The following PDE11A variants were observed in gnomAD, a reference collection of about 807,000 sequenced individuals.
The protein encoded by PDE11A is dual 3',5'-cyclic-AMP and -GMP phosphodiesterase 11A.
A neutral mutation model predicts 100.5 loss-of-function variants in PDE11A; 100 were observed. The observed-to-expected ratio is 1.00, with a 90% CI of 0.85 to 1.18. PDE11A has a LOEUF of 1.18. Ranked by LOEUF, PDE11A falls within the 50% of genes most tolerant of loss-of-function variation. The pLI, the probability that PDE11A is intolerant of heterozygous loss-of-function variation, is 0.00. For synonymous variants in PDE11A, 381 were observed against 420.8 expected (o/e 0.91, Z 1.16); for missense variants, 1,141 against 1,152.6 (o/e 0.99, Z 0.15).
chr2:177,764,288 A>G (rs1208493740), intron 10 of PDE11A, among the ~76,000 whole-genome samples: 1 of 152,080 alleles, frequency 6.6e-6, no homozygotes, highest in African/African-American at 2.4e-5. Context: ...CCAAACCCAA[A>G]CCCCAACCTG....
intron 5 of PDE11A, among the ~76,000 whole-genome samples, chr2:177,867,651 A>G (rs1197539397): frequency 2.6e-5 from 4 of 152,102 alleles, no homozygotes; most frequent in Non-Finnish European, 5.9e-5. Context: ...ACTTAAACTC[A>G]GGAGGCAGAG....
intron 4 of PDE11A, among the ~76,000 whole-genome samples, chr2:177,890,744 A>G (rs1264938321): frequency 6.6e-6 from 1 of 152,200 alleles, no homozygotes; most frequent in Non-Finnish European, 1.5e-5. Context: ...TCCTTCCATG[A>G]GATGATAAAC....
At chr2:177,937,287 T>C (rs2085286973) in intron 2 of PDE11A, among the ~76,000 whole-genome samples, 1 of 151,244 alleles carries the variant, frequency 6.6e-6, no homozygotes, top group Non-Finnish European at 1.5e-5. Context: ...ACACAACTGA[T>C]TAAAAACAGA....
chr2:178,099,622 A>G (rs1157735174), intron 2 of PDE11A, among the ~76,000 whole-genome samples: 2 of 152,166 alleles, frequency 1.3e-5, no homozygotes, highest in African/African-American at 4.8e-5. Context: ...AAGTTGGAGA[A>G]ATTAGAACCC....
chr2:177,733,772 A>G (rs1296459996), intron 10 of PDE11A, among the ~76,000 whole-genome samples: 1 of 152,218 alleles, frequency 6.6e-6, no homozygotes, highest in South Asian at 2.1e-4. Flanking sequence ...TCTTTTGCCA[A>G]TATAATTATA....
At chr2:178,064,311 A>T (rs1228903239) in intron 1 of PDE11A, among the ~76,000 whole-genome samples, 2 of 152,198 alleles carry the variant, frequency 1.3e-5, no homozygotes, top group Admixed American at 1.3e-4. Context: ...AAACTAGATC[A>T]AAGTCACCTC....
At chr2:177,764,163 A>C (rs2082208640) in intron 10 of PDE11A, among the ~76,000 whole-genome samples, 1 of 152,158 alleles carries the variant, frequency 6.6e-6, no homozygotes, top group South Asian at 2.1e-4. Context: ...TCAGTATATA[A>C]ATGCCACAAG....
chr2:177,782,462 C>CTT (rs2082467610), intron 9 of PDE11A, among the ~76,000 whole-genome samples: 1 of 152,240 alleles, frequency 6.6e-6, no homozygotes, highest in African/African-American at 2.4e-5. Context: ...TCAACTGAAG[C>CTT]TTCCTTGTCT....
chr2:178,062,690 T>C (rs1411349889), intron 1 of PDE11A, among the ~76,000 whole-genome samples: 3 of 152,220 alleles, frequency 2.0e-5, no homozygotes, highest in Admixed American at 2.0e-4. Context: ...TTCATTAAAC[T>C]GTGCATACCC....
intron 10 of PDE11A, among the ~76,000 whole-genome samples, chr2:177,754,681 C>T (rs2082067625): frequency 6.6e-6 from 1 of 152,186 alleles, no homozygotes; most frequent in Admixed American, 6.5e-5. Flanking sequence ...CTCACTCTGT[C>T]CACTTAAAAT....
chr2:177,824,229 G>T (rs1415207168), intron 6 of PDE11A, among the ~76,000 whole-genome samples: 4 of 152,132 alleles, frequency 2.6e-5, no homozygotes. Context: ...TGAGGGAAAT[G>T]ATACGAACTC....
chr2:177,839,714 A>T (rs1366509117), intron 6 of PDE11A, among the ~76,000 whole-genome samples: 2 of 152,240 alleles, frequency 1.3e-5, no homozygotes, highest in Non-Finnish European at 2.9e-5. Context: ...ATGAATGTGT[A>T]TATTCAATAT....
At chr2:177,770,777 C>T (rs977844016) in intron 9 of PDE11A, among the ~76,000 whole-genome samples, 1 of 152,182 alleles carries the variant, frequency 6.6e-6, no homozygotes, top group African/African-American at 2.4e-5. Flanking sequence ...TACACACTCA[C>T]ACATAAATAG....
intron 2 of PDE11A, chr2:177,998,573 T>C: frequency 7.7e-7 from 1 of 1,301,584 alleles, no homozygotes; most frequent in South Asian, 1.2e-5. Context: ...GGTCTAACTG[T>C]GCATTGATAG....
chr2:177,689,941 C>T (rs886768679), intron 15 of PDE11A, among the ~76,000 whole-genome samples: 1 of 152,170 alleles, frequency 6.6e-6, no homozygotes, highest in Non-Finnish European at 1.5e-5. Context: ...TTCCACACAG[C>T]CCTTCGCTGC....
intron 1 of PDE11A, among the ~76,000 whole-genome samples, chr2:178,024,580 C>T (rs963164080): frequency 2.0e-5 from 3 of 152,060 alleles, no homozygotes; most frequent in African/African-American, 2.4e-5. Flanking sequence ...TCATATTAGC[C>T]CATTGCCCCA....
intron 2 of PDE11A, among the ~76,000 whole-genome samples, chr2:177,929,743 G>A (rs1005940562): frequency 6.6e-6 from 1 of 152,164 alleles, no homozygotes; most frequent in East Asian, 1.9e-4. Flanking sequence ...ACTTTATAAA[G>A]CTTTCCCCCC....
chr2:177,659,175 C>T (rs879483377), intron 19 of PDE11A, among the ~76,000 whole-genome samples: 19 of 147,908 alleles, frequency 1.3e-4, no homozygotes, highest in South Asian at 2.1e-4. Context: ...GCAGGAGAAT[C>T]GCTTGAACCT....
chr2:178,105,401 G>A (rs1349469648), intron 1 of PDE11A, among the ~76,000 whole-genome samples: 5 of 152,174 alleles, frequency 3.3e-5, no homozygotes, highest in Non-Finnish European at 7.4e-5. Context: ...GGAGGTTGCA[G>A]TAAGCTGAGA....
Sources: gnomAD v4.1 joint callset for allele counts (sites outside exome capture counted in the v4.1 genomes callset) on GRCh38, gnomAD v4.1.1 for gene constraint, MANE v1.5 for transcripts, NCBI Gene and HGNC (gene_info 2026-07-23, HGNC 2026-07-21) for gene names.